Variants in NOL4 observed in about 807,000 individuals in gnomAD.
NOL4 encodes nucleolar protein 4.
Under a neutral mutation model 75.9 loss-of-function variants are expected in NOL4, and 17 were observed. The observed-to-expected ratio is 0.22, with a 90% CI of 0.15 to 0.34. The LOEUF is 0.34. Among genes scored for constraint, NOL4 ranks in the 10% least tolerant of loss-of-function variants. NOL4 has a pLI of 1.00. For missense variants in NOL4, 614 were observed against 793.5 expected (o/e 0.77, Z 2.72); for synonymous variants, 292 against 289.9 (o/e 1.01, Z -0.07).
chr18:34,221,949 C>T lies in NOL4; in HGVS notation c.264+1041G>A, dbSNP rs1406470971. The T allele has an allele frequency of 2.3e-6, 3 of 1,311,060 alleles. No individual in the cohort carries two copies. In the African/African-American group the frequency reaches 4.4e-5, roughly 19 times the overall value. The allele number at this position is 1,311,060 out of a possible 1,614,324, so 81.2% of individuals were successfully genotyped here. A position where few individuals can be genotyped will look rare whatever the true frequency, so the allele number is the denominator to read the frequency against. On this transcript the variant is annotated intron_variant, in intron 1 of 10. Coordinates refer to ENST00000261592, the MANE Select transcript of NOL4 (RefSeq NM_003787.5). ...GGGAAAGGAAGAAATGCTCAAGAAA[C>T]CCCAAAGCGAGGCAAAAATACAAAG... is the stretch of plus-strand genomic sequence containing the variant.
At chr18:34,093,875 T>C (rs1344656144) in intron 4 of NOL4, among the ~76,000 whole-genome samples, 1 of 152,002 alleles carries the variant, frequency 6.6e-6, no homozygotes, top group Admixed American at 6.6e-5. Flanking sequence ...CCGTCTCTAC[T>C]AAAAATACAG....
chr18:33,880,699 G>A (rs1004594116), intron 10 of NOL4, among the ~76,000 whole-genome samples: 1 of 151,852 alleles, frequency 6.6e-6, no homozygotes, highest in Non-Finnish European at 1.5e-5. Flanking sequence ...GAAATTCCTG[G>A]CCCCTCAAAT....
chr18:34,043,557 G>A (rs1393157649), intron 5 of NOL4, among the ~76,000 whole-genome samples: 1 of 152,036 alleles, frequency 6.6e-6, no homozygotes, highest in East Asian at 1.9e-4. Flanking sequence ...GACAATGTGA[G>A]GTGCAGAATG....
chr18:34,146,724 A>G (rs1172327061), intron 1 of NOL4, among the ~76,000 whole-genome samples: 1 of 151,616 alleles, frequency 6.6e-6, no homozygotes, highest in African/African-American at 2.4e-5. Flanking sequence ...TATGAAATTT[A>G]AAGTAGTTTT....
chr18:33,959,130 A>C (rs1401954716), intron 6 of NOL4, among the ~76,000 whole-genome samples: 1 of 152,168 alleles, frequency 6.6e-6, no homozygotes, highest in Non-Finnish European at 1.5e-5. Context: ...AACAAATTTA[A>C]AGCAAGAACA....
intron 4 of NOL4, among the ~76,000 whole-genome samples, chr18:34,099,150 G>C (rs950438612): frequency 6.6e-6 from 1 of 151,596 alleles, no homozygotes; most frequent in Non-Finnish European, 1.5e-5. Context: ...ATCACCTGAG[G>C]TCAGGAGTTT....
At chr18:33,968,619 T>C (rs1047550396) in intron 6 of NOL4, among the ~76,000 whole-genome samples, 9 of 152,052 alleles carry the variant, frequency 5.9e-5, no homozygotes, top group African/African-American at 2.2e-4. Flanking sequence ...TGAAGACTAC[T>C]AGAGAGAGGA....
rs147493723 is a variant in NOL4 at position 33,927,808 on chromosome 18, A to T, written c.1542+15257T>A. Among the ~76,000 whole-genome samples, 328 of 152,288 alleles carry T rather than the reference A, an allele frequency of 2.2e-3. 3 individuals are homozygous for T. The highest frequency in any genetic ancestry group is 6.6e-3 in the African/African-American group (276 of 41,582). ...AGAAACACTAATGCCCCAAAGTGCT[A>T]AATAACTGAGGTAACAAGTATGTGT... is the stretch of plus-strand genomic sequence containing the variant. On this transcript the variant is annotated intron_variant, in intron 9 of 10. Coordinates refer to ENST00000261592, the MANE Select transcript of NOL4 (RefSeq NM_003787.5).
At chr18:33,888,595 A>G (rs114000783) in intron 9 of NOL4, among the ~76,000 whole-genome samples, 2,870 of 152,080 alleles carry the variant, frequency 0.019, 39 homozygotes, top group Middle Eastern at 0.051. Flanking sequence ...TAATTATTGT[A>G]TACTGTGTAA....
At chr18:34,012,254 T>C (rs890348545) in intron 6 of NOL4, among the ~76,000 whole-genome samples, 2 of 151,962 alleles carry the variant, frequency 1.3e-5, no homozygotes. Flanking sequence ...AAAGTTGTAT[T>C]ATTCTATATA....
At chr18:34,212,159 T>A (rs1035842126) in intron 1 of NOL4, among the ~76,000 whole-genome samples, 1 of 152,142 alleles carries the variant, frequency 6.6e-6, no homozygotes, top group Admixed American at 6.5e-5. Context: ...GAATGGAATA[T>A]CATGAAGTAA....
chr18:34,068,255 T>C (rs2077364429), intron 5 of NOL4, among the ~76,000 whole-genome samples: 1 of 152,078 alleles, frequency 6.6e-6, no homozygotes, highest in East Asian at 1.9e-4. Flanking sequence ...GGTTAAAAAA[T>C]GGAAAATAGC....
At chr18:33,877,004 A>G (rs2063967467) in intron 10 of NOL4, among the ~76,000 whole-genome samples, 1 of 152,056 alleles carries the variant, frequency 6.6e-6, no homozygotes, top group African/African-American at 2.4e-5. Context: ...GTTTGCCAAG[A>G]TTAGTGTTTT....
chr18:34,153,246 T>G (rs899686630), intron 1 of NOL4, among the ~76,000 whole-genome samples: 1 of 151,900 alleles, frequency 6.6e-6, no homozygotes, highest in African/African-American at 2.4e-5. Flanking sequence ...TTTCCAATAT[T>G]TATAAAATAA....
In NOL4 at chr18:34,224,458, A is replaced by T. The variant is rs1227358029; in HGVS notation, c.-1205T>A. On this transcript the variant is annotated 5_prime_UTR_variant, in exon 1 of 11. It removes an upstream start codon present in the reference 5' UTR. Transcript: ENST00000261592. ...AGCAGATGAAGTCAGCAGTTGCTCC[A>T]TTCAGGACTTCCATCCATTTGTTTC... is the stretch of plus-strand genomic sequence containing the variant. The T allele has an allele frequency of 6.6e-6, 1 of 152,300 alleles. No homozygotes were observed. Among genetic ancestry groups the T allele is most frequent in the Non-Finnish European group, 1.5e-5 (1 of 68,172 alleles). 9.4% of individuals were successfully genotyped at this position (152,300 alleles called of 1,614,324 possible).
In NOL4 at chr18:33,852,695, CT is replaced by C. The variant is rs760952917; in HGVS notation, c.*146del. On this transcript the variant is annotated 3_prime_UTR_variant, in exon 11 of 11. Coordinates refer to ENST00000261592, the MANE Select transcript of NOL4 (RefSeq NM_003787.5). ...TCCTTTGAAGCACCTTAACACATCA[CT>C]TACGGATCAAGGACAATGTGGCATA... 1.5e-5 allele frequency: 11 copies of C among 714,992 alleles called. No individual in the cohort carries two copies. The highest frequency in any genetic ancestry group is 2.3e-5 in the Non-Finnish European group (10 of 441,466). The allele number at this position is 714,992 out of a possible 1,614,324, so 44.3% of individuals were successfully genotyped here.
intron 5 of NOL4, among the ~76,000 whole-genome samples, chr18:34,028,095 AT>A (rs1372185122): frequency 1.3e-5 from 2 of 152,240 alleles, no homozygotes; most frequent in Non-Finnish European, 2.9e-5. Context: ...ATAATGCCAA[AT>A]TAAGAGCTCT....
intron 1 of NOL4, among the ~76,000 whole-genome samples, chr18:34,214,698 G>C (rs1056494778): frequency 2.0e-5 from 3 of 152,076 alleles, no homozygotes; most frequent in African/African-American, 4.8e-5. Flanking sequence ...GGGTTTTGAG[G>C]AGATATCTGC....
In NOL4 at chr18:33,982,910, G is replaced by A. The variant is rs530224317; in HGVS notation, c.1057-24492C>T. Among the ~76,000 whole-genome samples, 134 of 151,710 alleles carry A rather than the reference G, an allele frequency of 8.8e-4. 3 individuals carry two copies. The South Asian group carries it at 0.018, about 20-fold the overall frequency. On this transcript the variant is annotated intron_variant, in intron 6 of 10. Coordinates refer to ENST00000261592, the MANE Select transcript of NOL4 (RefSeq NM_003787.5). ...GGATTGCAGGCATGTACCACCACACGTGGCTAATATTTTATATTTAGTAGA... is the reference window on the plus strand; with the variant it reads ...GGATTGCAGGCATGTACCACCACACATGGCTAATATTTTATATTTAGTAGA...
Sources: gnomAD v4.1 joint callset for allele counts (sites outside exome capture counted in the v4.1 genomes callset) on GRCh38, gnomAD v4.1.1 for gene constraint, MANE v1.5 for transcripts, NCBI Gene and HGNC (gene_info 2026-07-23, HGNC 2026-07-21) for gene names.